Variants in ALDH1L2 observed in about 807,000 individuals in gnomAD.
ALDH1L2 encodes the protein aldehyde dehydrogenase 1 family member L2.
Under a neutral mutation model 111.0 loss-of-function variants are expected in ALDH1L2, and 91 were observed. The ratio of observed to expected loss-of-function variants is 0.82; its 90% confidence interval spans 0.69 to 0.98. The LOEUF is 0.98. Among genes scored for constraint, ALDH1L2 ranks in the 50% least tolerant of loss-of-function variants. The pLI, the probability that ALDH1L2 is intolerant of heterozygous loss-of-function variation, is 0.00. For missense variants in ALDH1L2, 995 were observed against 1,126.8 expected, an observed-to-expected ratio of 0.88 and a Z score of 1.67; for synonymous variants, 374 against 392.6, an observed-to-expected ratio of 0.95 and a Z score of 0.56.
At chr12:105,032,174 CTTTTTTTTTT>C (rs59767606) in intron 19 of ALDH1L2, among the ~76,000 whole-genome samples, 3,771 of 105,998 alleles carry the variant, frequency 0.036, 195 homozygotes, top group African/African-American at 0.13. Context: ...CCTCGAACTT[CTTTTTTTTTT>C]TTTTTTTTTT....
intron 1 of ALDH1L2, among the ~76,000 whole-genome samples, chr12:105,081,306 G>A (rs1236200130): frequency 2.0e-5 from 3 of 152,166 alleles, no homozygotes; most frequent in Non-Finnish European, 4.4e-5. Flanking sequence ...ATTAAATACA[G>A]TTTAAAGCTG....
chr12:105,083,667 C>T (rs1284915222), intron 1 of ALDH1L2, among the ~76,000 whole-genome samples: 2 of 151,934 alleles, frequency 1.3e-5, no homozygotes. Flanking sequence ...TCCCGAGGCC[C>T]CCTGGGTGCT....
chr12:105,078,072 T>C (rs1440835617), intron 1 of ALDH1L2, among the ~76,000 whole-genome samples: 1 of 149,342 alleles, frequency 6.7e-6, no homozygotes. Flanking sequence ...ACTCTGGGCG[T>C]AGTGCATGGT....
intron 18 of ALDH1L2, 39 bp downstream of exon 18, chr12:105,038,064 G>A: frequency 6.4e-6 from 10 of 1,568,708 alleles, no homozygotes; most frequent in Non-Finnish European, 8.8e-6. Context: ...ACCTCACCTG[G>A]CCCAGGCACC....
rs1432187811 is a variant in ALDH1L2, at chr12:105,023,052, C to T, written c.*1372G>A. 1.3e-5 allele frequency: 2 copies of T among 152,166 alleles called. No homozygotes were observed. The highest frequency in any genetic ancestry group is 2.9e-5 in the Non-Finnish European group (2 of 68,032). The allele number at this position is 152,166 out of a possible 1,614,324, so 9.4% of individuals were successfully genotyped here. On this transcript the variant is annotated 3_prime_UTR_variant, in exon 23 of 23. Coordinates refer to ENST00000258494, the MANE Select transcript of ALDH1L2 (RefSeq NM_001034173.4). ...TTACTCACCTGACTACTTCTGTCTGCCAATGGGAAATGGGCTGTTAATAGT... is the reference window on the plus strand; with the variant it reads ...TTACTCACCTGACTACTTCTGTCTGTCAATGGGAAATGGGCTGTTAATAGT...
At chr12:105,040,458 G>A in intron 16 of ALDH1L2, 149 bp downstream of exon 16, 2 of 756,180 alleles carry the variant, frequency 2.6e-6, no homozygotes, top group South Asian at 3.5e-5. Flanking sequence ...TTAGCACATG[G>A]TAAGTATATT....
chr12:105,032,074 GTTTT>G, intron 19 of ALDH1L2, 140 bp from the exon 20 acceptor site: 13 of 534,502 alleles, frequency 2.4e-5, no homozygotes, highest in South Asian at 8.8e-5. Context: ...TAGGTGGTTG[GTTTT>G]TTTTTTTTTT....
intron 10 of ALDH1L2, among the ~76,000 whole-genome samples, chr12:105,053,474 A>G (rs1876422102): frequency 6.6e-6 from 1 of 152,238 alleles, no homozygotes; most frequent in Non-Finnish European, 1.5e-5. Flanking sequence ...TTTTTCAACA[A>G]TGCAATGGGG....
chr12:105,066,147 C>G (rs562391645), intron 5 of ALDH1L2, among the ~76,000 whole-genome samples: 2 of 152,212 alleles, frequency 1.3e-5, no homozygotes, highest in African/African-American at 4.8e-5. Flanking sequence ...AGGAATATCC[C>G]CTTTGCCCTT....
rs1480358647 is a variant in ALDH1L2, at chr12:105,034,157, A to G, written c.2244+143T>C. The stretch of plus-strand genomic sequence containing the variant: ...TAAGTATGCCAGTATGTAGCTATAA[A>G]AAAACTAGGGACTGATTTTTTTTAA... On this transcript the variant is annotated intron_variant, in intron 19 of 22. Coordinates refer to ENST00000258494, the MANE Select transcript of ALDH1L2 (RefSeq NM_001034173.4). The G allele has an allele frequency of 3.1e-5, 23 of 747,908 alleles. No homozygotes were observed. In the East Asian group the frequency reaches 6.4e-4, roughly 21 times the overall value. 46.3% of individuals were successfully genotyped at this position (747,908 alleles called of 1,614,324 possible). A position where few individuals can be genotyped will look rare whatever the true frequency, so the allele number is the denominator to read the frequency against.
intron 3 of ALDH1L2, among the ~76,000 whole-genome samples, chr12:105,069,146 A>G (rs184472522): frequency 3.6e-4 from 55 of 152,288 alleles, no homozygotes; most frequent in African/African-American, 1.1e-3. Context: ...TTAAAAAGGC[A>G]TTAGAGTCTA....
At chr12:105,065,246 G>A (rs1877277681) in intron 6 of ALDH1L2, 21 bp downstream of exon 6, 1 of 1,254,774 alleles carries the variant, frequency 8.0e-7, no homozygotes, top group Non-Finnish European at 1.1e-6. Flanking sequence ...GGGGGTGGGG[G>A]GAGTGGTCCC....
At position 105,022,978 on chromosome 12, in the gene ALDH1L2, T is replaced by C. The variant is rs1168860142; in HGVS notation, c.*1446A>G. Reference sequence around the variant, plus strand: ...TTTCTGGCTATCTTTTGGAGACTCATGTGATTCAGAAATTTGCCGCCTTCT... The same window carrying C: ...TTTCTGGCTATCTTTTGGAGACTCACGTGATTCAGAAATTTGCCGCCTTCT... On this transcript the variant is annotated 3_prime_UTR_variant, in exon 23 of 23. Transcript: ENST00000258494. The C allele has an allele frequency of 6.6e-6, 1 of 152,232 alleles. No homozygotes were observed. Among genetic ancestry groups the C allele is most frequent in the Non-Finnish European group, 1.5e-5 (1 of 68,040 alleles). The allele number at this position is 152,232 out of a possible 1,614,324, so 9.4% of individuals were successfully genotyped here. A position where few individuals can be genotyped will look rare whatever the true frequency, so the allele number is the denominator to read the frequency against.
intron 22 of ALDH1L2, 58 bp downstream of exon 22, chr12:105,026,487 C>A: frequency 1.3e-6 from 2 of 1,589,616 alleles, no homozygotes. Flanking sequence ...AAACATAGAG[C>A]AGATTTTTCT....
Position 105,035,865 on chromosome 12 carries a change from G to GTA in ALDH1L2, c.2146-1469_2146-1468dup, listed in dbSNP as rs1186194923. 1.5e-4 allele frequency among the ~76,000 whole-genome samples: 19 copies of GTA among 127,066 alleles called. 3 individuals are homozygous for GTA. Among genetic ancestry groups the GTA allele is most frequent in the Non-Finnish European group, 9.4e-5 (6 of 63,920 alleles). 83.4% of individuals were successfully genotyped at this position (127,066 alleles called of 152,430 possible). A position where few individuals can be genotyped will look rare whatever the true frequency, so the allele number is the denominator to read the frequency against. On this transcript the variant is annotated intron_variant, in intron 18 of 22. Transcript: ENST00000258494. ...TGTGTGTGTGTGTGTGTGTGTGTGT[G>GTA]TATACACACACACATATATATACGT... is the stretch of plus-strand genomic sequence containing the variant.
chr12:105,043,898 G>C (rs1875684764), intron 15 of ALDH1L2, among the ~76,000 whole-genome samples: 1 of 152,172 alleles, frequency 6.6e-6, no homozygotes, highest in Non-Finnish European at 1.5e-5. Context: ...ATGAAAATCT[G>C]TGCTTTCTTT....
At chr12:105,056,387 G>A (rs974418812) in intron 10 of ALDH1L2, among the ~76,000 whole-genome samples, 33 of 151,920 alleles carry the variant, frequency 2.2e-4, no homozygotes, top group Admixed American at 7.2e-4. Context: ...AGCATACCTG[G>A]CCTACAAAAA....
chr12:105,036,617 A>G (rs1875169236), intron 18 of ALDH1L2, among the ~76,000 whole-genome samples: 3 of 133,604 alleles, frequency 2.2e-5, no homozygotes, highest in Non-Finnish European at 4.8e-5. Flanking sequence ...CCACCCATTT[A>G]GGAGGCCAAG....
In ALDH1L2 at chr12:105,039,734, A is replaced by G. The variant is rs942899114; in HGVS notation, c.2024T>C (p.Ile675Thr). The G allele has an allele frequency of 3.1e-6, 5 of 1,614,042 alleles. No individual in the cohort carries two copies. Among genetic ancestry groups the G allele is most frequent in the Non-Finnish European group, 3.4e-6 (4 of 1,179,934 alleles). ...ATACCTCTTCATGATCTGTTTGCCA[A>G]TAGGAGTGGATCCAGTGAAACCAAG... is the stretch of plus-strand genomic sequence containing the variant. The part of the protein sequence containing the change: ...RKLGFTGSTP[I>T]GKQIMKSCAV... Residue 675 changes from isoleucine to threonine, a missense_variant, in exon 17 of 23, where the codon ATT becomes ACT. Transcript: ENST00000258494.
Sources: gnomAD v4.1 joint callset for allele counts (sites outside exome capture counted in the v4.1 genomes callset) on GRCh38, gnomAD v4.1.1 for gene constraint, MANE v1.5 for transcripts, NCBI Gene and HGNC (gene_info 2026-07-23, HGNC 2026-07-21) for gene names.